The following SPARC variants were observed in gnomAD, a reference collection of about 807,000 sequenced individuals.
The protein encoded by SPARC is secreted protein acidic and cysteine rich.
Under a neutral mutation model 37.7 loss-of-function variants are expected in SPARC, and 23 were observed. The ratio of observed to expected loss-of-function variants is 0.61; its 90% CI spans 0.44 to 0.87. The LOEUF (loss-of-function observed/expected upper bound fraction) is 0.87. Ranked by LOEUF, SPARC falls within the 40% of genes least tolerant of loss-of-function variation. The probability of loss-of-function intolerance (pLI) is 0.00; values close to 1 mark genes in which losing one functional copy is unlikely to be tolerated. For missense variants in SPARC, 312 were observed against 389.0 expected, an observed-to-expected ratio of 0.80 and a Z score of 1.66; for synonymous variants, 155 against 150.8, an observed-to-expected ratio of 1.03 and a Z score of -0.20.
At position 151,662,198 on chromosome 5, in the gene SPARC, C is replaced by T; in HGVS notation, c.*1373G>A. ...TGGTGCTGATAATGGTGGTAGTGAT[C>T]AAAAGGGTTAAACCACAGGTCATTA... On this transcript the variant is annotated 3_prime_UTR_variant, in exon 10 of 10. Transcript: ENST00000231061. The T allele has an allele frequency of 6.6e-6, 1 of 152,564 alleles. No homozygotes were observed. Among genetic ancestry groups the T allele is most frequent in the Non-Finnish European group, 1.5e-5 (1 of 68,034 alleles). 9.5% of individuals were successfully genotyped at this position (152,564 alleles called of 1,614,324 possible).
At chr5:151,682,461 G>C (rs1761017957) in intron 1 of SPARC, among the ~76,000 whole-genome samples, 1 of 152,118 alleles carries the variant, frequency 6.6e-6, no homozygotes, top group Admixed American at 6.5e-5. Context: ...CCCAAAGATA[G>C]CAAATATGTG....
intron 7 of SPARC, 152 bp downstream of exon 7, chr5:151,667,315 T>G: frequency 1.2e-6 from 1 of 821,176 alleles, no homozygotes; most frequent in East Asian, 2.5e-5. Context: ...CACCACAGCC[T>G]CCAAAGGCAG....
intron 1 of SPARC, among the ~76,000 whole-genome samples, chr5:151,676,540 C>T (rs151147763): frequency 6.6e-6 from 1 of 152,210 alleles, no homozygotes; most frequent in Non-Finnish European, 1.5e-5. Flanking sequence ...TTTGTTTTTA[C>T]AGTTTCCTTC....
chr5:151,685,422 T>TCTCTCA (rs1216324359), intron 1 of SPARC, among the ~76,000 whole-genome samples: 1 of 140,432 alleles, frequency 7.1e-6, no homozygotes, highest in African/African-American at 2.7e-5. Context: ...CCTCTCTCTC[T>TCTCTCA]CACACACACA....
At chr5:151,681,199 G>C (rs1211763867) in intron 1 of SPARC, among the ~76,000 whole-genome samples, 1 of 152,230 alleles carries the variant, frequency 6.6e-6, no homozygotes, top group Admixed American at 6.5e-5. Flanking sequence ...CAGGGAGTTG[G>C]GACTCGGAAG....
intron 3 of SPARC, 68 bp downstream of exon 3, chr5:151,674,544 G>T: frequency 1.4e-6 from 2 of 1,451,702 alleles, no homozygotes; most frequent in Non-Finnish European, 9.7e-7. Flanking sequence ...CACAGCATCC[G>T]CCCTAATTTC....
In SPARC at chr5:151,676,001, A is replaced by G. The variant is rs554171103; in HGVS notation, c.57+131T>C. ...TTTATCCCGAGCTTCCTAACTTAAGAAAAAAAAAAGACCACTAACTTGAAA... is the reference window on the plus strand; with the variant it reads ...TTTATCCCGAGCTTCCTAACTTAAGGAAAAAAAAAGACCACTAACTTGAAA... On this transcript the variant is annotated intron_variant, in intron 2 of 9. Coordinates refer to ENST00000231061, the MANE Select transcript of SPARC (RefSeq NM_003118.4). 1.6e-4 allele frequency: 95 copies of G among 585,440 alleles called. 1 individual carries two copies. In the East Asian group the frequency reaches 3.2e-3, roughly 19 times the overall value. The allele number at this position is 585,440 out of a possible 1,614,324, so 36.3% of individuals were successfully genotyped here. A position where few individuals can be genotyped will look rare whatever the true frequency, so the allele number is the denominator to read the frequency against.
At chr5:151,671,817 G>T in intron 4 of SPARC, 123 bp from the exon 5 acceptor site, 1 of 1,299,346 alleles carries the variant, frequency 7.7e-7, no homozygotes, top group Non-Finnish European at 1.1e-6. Context: ...GCTTTGGACA[G>T]CCCTGAGTCC....
chr5:151,685,407 CT>C (rs1761110991), intron 1 of SPARC, among the ~76,000 whole-genome samples: 2 of 116,786 alleles, frequency 1.7e-5, no homozygotes, highest in Non-Finnish European at 3.4e-5. Flanking sequence ...CTCTCTCTCT[CT>C]CTCCCTCTCT....
Position 151,663,225 on chromosome 5 carries a change from C to A in SPARC, c.*346G>T, listed in dbSNP as rs1242354054. The A allele has an allele frequency of 8.2e-6, 2 of 244,560 alleles. No individual in the cohort carries two copies. Among genetic ancestry groups the A allele is most frequent in the African/African-American group, 2.3e-5 (1 of 44,226 alleles). The allele number at this position is 244,560 out of a possible 1,614,324, so 15.1% of individuals were successfully genotyped here. A position where few individuals can be genotyped will look rare whatever the true frequency, so the allele number is the denominator to read the frequency against. Reference sequence around the variant, plus strand: ...TGACTCGGTAAGTATTAGTTTCAAACAGAACACTAAAGAGAAAAGTTGAAG... The same window carrying A: ...TGACTCGGTAAGTATTAGTTTCAAAAAGAACACTAAAGAGAAAAGTTGAAG... On this transcript the variant is annotated 3_prime_UTR_variant, in exon 10 of 10. Coordinates refer to ENST00000231061, the MANE Select transcript of SPARC (RefSeq NM_003118.4).
chr5:151,673,629 G>A (rs1011173795), intron 3 of SPARC, among the ~76,000 whole-genome samples: 8 of 152,138 alleles, frequency 5.3e-5, no homozygotes, highest in Non-Finnish European at 1.2e-4. Context: ...GTGTATTCAG[G>A]GGAAGGCTGA....
intron 2 of SPARC, among the ~76,000 whole-genome samples, chr5:151,675,616 G>A (rs1760838442): frequency 6.6e-6 from 1 of 152,136 alleles, no homozygotes; most frequent in Non-Finnish European, 1.5e-5. Flanking sequence ...CCAAAGCCTA[G>A]AGCTGCCCTT....
chr5:151,674,429 T>C (rs953841087), intron 3 of SPARC, among the ~76,000 whole-genome samples, 183 bp downstream of exon 3: 1 of 152,022 alleles, frequency 6.6e-6, no homozygotes, highest in African/African-American at 2.4e-5. Context: ...CCGTTGAAGG[T>C]TTGGGAAGCA....
chr5:151,686,414 T>C (rs1019056168), intron 1 of SPARC: 2 of 152,170 alleles, frequency 1.3e-5, no homozygotes, highest in Admixed American at 1.3e-4. Context: ...AAGTCCCTTT[T>C]GGAAAACAGA....
rs1203324006 is a variant in SPARC at position 151,669,778 on chromosome 5, T to C, written c.337A>G (p.Ser113Gly). ...GAGTCGAAGGTCTTGTTGTCATTGC[T>C]GCACACCTGTTGGCAAAGCACAGAG... is the stretch of plus-strand genomic sequence containing the variant. The part of the protein sequence containing the change: ...APIGEFEKVC[S>G]NDNKTFDSSC... Residue 113 changes from serine to glycine, a missense_variant, in exon 6 of 10, where the codon AGC becomes GGC. Physicochemically the swap from Ser to Gly is moderately conservative, Grantham distance 56. Coordinates refer to ENST00000231061, the MANE Select transcript of SPARC (RefSeq NM_003118.4). 1.2e-6 allele frequency: 2 copies of C among 1,614,216 alleles called. No homozygotes were observed. Among genetic ancestry groups the C allele is most frequent in the South Asian group, 1.1e-5 (1 of 91,086 alleles).
At chr5:151,665,373 T>C (rs1390031962) in intron 8 of SPARC, among the ~76,000 whole-genome samples, 1 of 152,126 alleles carries the variant, frequency 6.6e-6, no homozygotes. Flanking sequence ...GGCAAAAGCC[T>C]GGGAGAGAAG....
chr5:151,685,420 T>TCACACACACACACACACA (rs368789187), intron 1 of SPARC, among the ~76,000 whole-genome samples: 31 of 107,210 alleles, frequency 2.9e-4, no homozygotes, highest in East Asian at 1.0e-3. Flanking sequence ...TCCCTCTCTC[T>TCACACACACACACACACA]CTCACACACA....
At position 151,664,233 on chromosome 5, in the gene SPARC, T is replaced by C; in HGVS notation, c.737A>G (p.Tyr246Cys). ...GQLDQHPIDG[Y>C]LSHTELAPLR... ...TGGAGCCAGCTCGGTGTGGGAGAGG[T>C]ACCTGCAGGGAAGGAGGCAGGGGAG... Residue 246 changes from tyrosine (Y) to cysteine (C), a missense_variant and splice_region_variant, in exon 9 of 10, where the codon TAC becomes TGC. Coordinates refer to ENST00000231061, the MANE Select transcript of SPARC (RefSeq NM_003118.4). 1 of 1,613,436 alleles carries C rather than the reference T, an allele frequency of 6.2e-7. No homozygotes were observed. Among genetic ancestry groups the C allele is most frequent in the African/African-American group, 1.3e-5 (1 of 74,952 alleles).
chr5:151,666,486 C>A lies in SPARC; in HGVS notation c.609G>T (p.Glu203Asp). The A allele has an allele frequency of 6.2e-7, 1 of 1,614,088 alleles. No individual in the cohort carries two copies. Among genetic ancestry groups the A allele is most frequent in the Non-Finnish European group, 8.5e-7 (1 of 1,179,980 alleles). ...KLRVKKIHEN[E>D]KRLEAGDHPV... is the part of the protein sequence containing the mutation. ...GGTGGTCTCCTGCCTCCAGGCGCTTCTCATTCTCATGGATCTTCTTCACCT... is the reference window on the plus strand; with the variant it reads ...GGTGGTCTCCTGCCTCCAGGCGCTTATCATTCTCATGGATCTTCTTCACCT... Residue 203 changes from glutamate (E) to aspartate (D), a missense_variant, in exon 8 of 10, where the codon GAG becomes GAT. Glu to Asp is a conservative substitution (Grantham distance 45). Coordinates refer to ENST00000231061, the MANE Select transcript of SPARC (RefSeq NM_003118.4).
Sources: gnomAD v4.1 joint callset for allele counts (sites outside exome capture counted in the v4.1 genomes callset) on GRCh38, gnomAD v4.1.1 for gene constraint, MANE v1.5 for transcripts, NCBI Gene and HGNC (gene_info 2026-07-23, HGNC 2026-07-21) for gene names.